Variants in ARHGEF3 observed in about 807,000 individuals in gnomAD.
The protein encoded by ARHGEF3 is 59.8 kDA protein.
Under a neutral mutation model 63.2 loss-of-function variants are expected in ARHGEF3, and 28 were observed. That is an observed-to-expected ratio of 0.44 (90% confidence interval 0.33 to 0.61). ARHGEF3 has a LOEUF of 0.61. Ranked by LOEUF, ARHGEF3 falls within the 20% of genes least tolerant of loss-of-function variation. The pLI is 0.03. For missense variants in ARHGEF3, 533 were observed against 659.3 expected, an observed-to-expected ratio of 0.81 and a Z score of 2.10; for synonymous variants, 266 against 254.2, an observed-to-expected ratio of 1.05 and a Z score of -0.44.
chr3:57,058,360 C>T (rs1705033329), intron 1 of ARHGEF3, among the ~76,000 whole-genome samples: 1 of 152,182 alleles, frequency 6.6e-6, no homozygotes. Flanking sequence ...CTGTCATAGA[C>T]TGTGATGCTC....
At chr3:56,962,704 A>C (rs1700334294) in intron 2 of ARHGEF3, among the ~76,000 whole-genome samples, 1 of 152,180 alleles carries the variant, frequency 6.6e-6, no homozygotes, top group Non-Finnish European at 1.5e-5. Flanking sequence ...GGGAAAGAAA[A>C]GCCACAAGCT....
chr3:57,040,847 C>A (rs1236963366), intron 1 of ARHGEF3, among the ~76,000 whole-genome samples: 4 of 152,096 alleles, frequency 2.6e-5, no homozygotes, highest in African/African-American at 9.7e-5. Context: ...GCCCACCAGA[C>A]TGACCTGGAA....
At chr3:56,788,847 T>C (rs1220613795) in intron 1 of ARHGEF3, among the ~76,000 whole-genome samples, 1 of 152,096 alleles carries the variant, frequency 6.6e-6, no homozygotes. Context: ...CTGGCAGAAA[T>C]GAATGTGAAG....
At chr3:57,005,354 A>C (rs550499291) in intron 2 of ARHGEF3, among the ~76,000 whole-genome samples, 1 of 152,316 alleles carries the variant, frequency 6.6e-6, no homozygotes, top group East Asian at 1.9e-4. Flanking sequence ...CACGAACCAC[A>C]GTTAGTAAGT....
intron 2 of ARHGEF3, among the ~76,000 whole-genome samples, chr3:56,991,350 T>C (rs951916040): frequency 2.6e-5 from 4 of 152,042 alleles, no homozygotes; most frequent in Non-Finnish European, 5.9e-5. Context: ...CAAGATAGAA[T>C]GCTGTTAAAA....
intron 4 of ARHGEF3, among the ~76,000 whole-genome samples, chr3:56,860,835 A>G (rs1221991078): frequency 6.6e-6 from 1 of 152,222 alleles, no homozygotes; most frequent in African/African-American, 2.4e-5. Flanking sequence ...GACGTGATTA[A>G]TACGTGCCAA....
chr3:57,001,479 T>C (rs374355986), intron 2 of ARHGEF3, among the ~76,000 whole-genome samples: 2 of 152,250 alleles, frequency 1.3e-5, no homozygotes, highest in Admixed American at 6.5e-5. Context: ...TGCATCCTTT[T>C]GTCCTTTTTA....
chr3:56,958,606 A>G (rs1309846644), intron 3 of ARHGEF3, among the ~76,000 whole-genome samples: 3 of 152,130 alleles, frequency 2.0e-5, no homozygotes, highest in African/African-American at 7.2e-5. Flanking sequence ...TGCTGGGATT[A>G]CAGACATGAG....
At chr3:56,843,713 T>G (rs2039391649) in intron 4 of ARHGEF3, among the ~76,000 whole-genome samples, 1 of 151,302 alleles carries the variant, frequency 6.6e-6, no homozygotes, top group Non-Finnish European at 1.5e-5. Flanking sequence ...TATTGTAAAG[T>G]GAAAATATCA....
At chr3:56,896,195 G>A (rs185097875) in intron 3 of ARHGEF3, among the ~76,000 whole-genome samples, 77 of 152,274 alleles carry the variant, frequency 5.1e-4, no homozygotes, top group African/African-American at 1.7e-3. Flanking sequence ...ACTTATAGAA[G>A]GTTTGCAAGT....
At chr3:56,796,275 ATTTTTACGGGCAATCACAGGG>A (rs2037362147) in intron 1 of ARHGEF3, among the ~76,000 whole-genome samples, 1 of 152,172 alleles carries the variant, frequency 6.6e-6, no homozygotes, top group Non-Finnish European at 1.5e-5. Context: ...TCTGTCCAGG[ATTTTTACGGGCAATCACAGGG>A]TGTCTCGAGA....
At chr3:57,035,591 C>T (rs1219097213) in intron 1 of ARHGEF3, among the ~76,000 whole-genome samples, 1 of 152,228 alleles carries the variant, frequency 6.6e-6, no homozygotes, top group African/African-American at 2.4e-5. Context: ...TCAGGTGAGC[C>T]GCCCACCTCA....
intron 3 of ARHGEF3, among the ~76,000 whole-genome samples, chr3:56,897,690 C>T (rs1390617322): frequency 6.6e-6 from 1 of 150,764 alleles, no homozygotes; most frequent in Non-Finnish European, 1.5e-5. Context: ...CCTCAGCCTC[C>T]CGAGTAGCTG....
chr3:56,827,549 C>T (rs755662630), intron 4 of ARHGEF3, among the ~76,000 whole-genome samples: 5 of 152,026 alleles, frequency 3.3e-5, no homozygotes, highest in Non-Finnish European at 7.4e-5. Flanking sequence ...TGAATGCACT[C>T]AGTGACAGCC....
intron 1 of ARHGEF3, chr3:57,074,100 G>A: frequency 1.9e-6 from 3 of 1,613,954 alleles, no homozygotes; most frequent in East Asian, 2.2e-5. Context: ...GGAAGATGGG[G>A]ATAATGAGAG....
intron 2 of ARHGEF3, among the ~76,000 whole-genome samples, chr3:56,770,919 C>T (rs2035972418): frequency 6.6e-6 from 1 of 152,090 alleles, no homozygotes; most frequent in African/African-American, 2.4e-5. Flanking sequence ...TGAGACCAGT[C>T]TGGCCAACAT....
intron 3 of ARHGEF3, among the ~76,000 whole-genome samples, chr3:56,935,032 G>A (rs7431235): frequency 0.12 from 18,106 of 152,042 alleles, 1,278 homozygotes; most frequent in East Asian, 0.25. Context: ...TGCACCAATC[G>A]ACACTCTGTA....
intron 1 of ARHGEF3, chr3:57,073,605 T>G: frequency 1.3e-6 from 2 of 1,483,876 alleles, no homozygotes; most frequent in South Asian, 2.8e-5. Context: ...AGAGCCAGGT[T>G]GCAAGAGTGC....
chr3:56,775,821 CT>C, intron 1 of ARHGEF3: 12 of 323,702 alleles, frequency 3.7e-5, no homozygotes, highest in Non-Finnish European at 5.3e-5. Context: ...CACACACACA[CT>C]GCCTCTTAAG....
Sources: allele counts gnomAD v4.1 joint callset (sites outside exome capture counted in the v4.1 genomes callset), GRCh38; gene constraint gnomAD v4.1.1; transcripts MANE v1.5; gene names NCBI Gene and HGNC (gene_info 2026-07-23, HGNC 2026-07-21).